The following SEMA3E variants were observed in gnomAD, a reference collection of about 807,000 sequenced individuals.
SEMA3E encodes the protein semaphorin-3E.
A neutral mutation model predicts 93.6 loss-of-function variants in SEMA3E; 49 were observed. The observed-to-expected ratio is 0.52, with a 90% confidence interval of 0.42 to 0.66. The LOEUF is 0.66. SEMA3E is among the 30% of genes least tolerant of loss of function. The pLI, the probability that SEMA3E is intolerant of heterozygous loss-of-function variation, is 0.00. For missense variants in SEMA3E, 906 were observed against 964.8 expected, an observed-to-expected ratio of 0.94 and a Z score of 0.81; for synonymous variants, 363 against 330.7, an observed-to-expected ratio of 1.10 and a Z score of -1.06.
chr7:83,576,833 G>A (rs984217698), intron 1 of SEMA3E, among the ~76,000 whole-genome samples: 3 of 151,964 alleles, frequency 2.0e-5, no homozygotes, highest in South Asian at 2.1e-4. Context: ...CGCCATGTTG[G>A]GCAGGCTGGT....
At chr7:83,429,851 T>A (rs1788847301) in intron 4 of SEMA3E, among the ~76,000 whole-genome samples, 1 of 152,186 alleles carries the variant, frequency 6.6e-6, no homozygotes, top group Non-Finnish European at 1.5e-5. Flanking sequence ...CAACATTAAC[T>A]CCTACTTATC....
intron 1 of SEMA3E, among the ~76,000 whole-genome samples, chr7:83,634,803 T>C (rs965711171): frequency 3.3e-5 from 5 of 152,050 alleles, no homozygotes. Context: ...TAGTCCTATC[T>C]TCTCCATCTA....
intron 5 of SEMA3E, among the ~76,000 whole-genome samples, chr7:83,414,741 C>G (rs1264471647): frequency 1.3e-5 from 2 of 151,994 alleles, no homozygotes; most frequent in African/African-American, 4.8e-5. Flanking sequence ...CAAAGTTAAT[C>G]CTTTCAAAGC....
chr7:83,637,023 AGT>A (rs201112364), intron 1 of SEMA3E, among the ~76,000 whole-genome samples: 16 of 148,914 alleles, frequency 1.1e-4, no homozygotes, highest in East Asian at 2.0e-4. Flanking sequence ...TATGTGTGAG[AGT>A]GTGTGTGTGT....
intron 2 of SEMA3E, among the ~76,000 whole-genome samples, chr7:83,479,074 T>C (rs1203689734): frequency 6.6e-6 from 1 of 152,198 alleles, no homozygotes; most frequent in Non-Finnish European, 1.5e-5. Flanking sequence ...GTCAGTATTC[T>C]TCACGAACTA....
chr7:83,614,775 T>C (rs996255199), intron 1 of SEMA3E, among the ~76,000 whole-genome samples: 2 of 152,126 alleles, frequency 1.3e-5, no homozygotes, highest in Non-Finnish European at 2.9e-5. Flanking sequence ...GCTCACAGTT[T>C]CTGTGCACAA....
intron 1 of SEMA3E, among the ~76,000 whole-genome samples, chr7:83,637,978 A>G (rs1793914221): frequency 6.6e-5 from 10 of 152,154 alleles, no homozygotes; most frequent in Admixed American, 6.6e-4. Flanking sequence ...TTTACCTATT[A>G]TTAATGTGAT....
chr7:83,378,054 AG>A (rs1011072534), intron 16 of SEMA3E, among the ~76,000 whole-genome samples: 6 of 152,016 alleles, frequency 3.9e-5, no homozygotes, highest in African/African-American at 1.4e-4. Context: ...TAATTTTAAC[AG>A]TTTTGTCCTC....
At chr7:83,619,975 C>G (rs1468976476) in intron 1 of SEMA3E, among the ~76,000 whole-genome samples, 1 of 151,274 alleles carries the variant, frequency 6.6e-6, no homozygotes, top group African/African-American at 2.4e-5. Context: ...TTATTAAAAC[C>G]TCTAAAAATA....
At chr7:83,575,873 C>T (rs934294919) in intron 1 of SEMA3E, among the ~76,000 whole-genome samples, 3 of 148,752 alleles carry the variant, frequency 2.0e-5, no homozygotes, top group Admixed American at 6.8e-5. Flanking sequence ...TTGCATCAAA[C>T]CTATAAGCAA....
chr7:83,581,989 A>G (rs1227878779), intron 1 of SEMA3E, among the ~76,000 whole-genome samples: 1 of 151,968 alleles, frequency 6.6e-6, no homozygotes, highest in Non-Finnish European at 1.5e-5. Context: ...AAGAAATAGA[A>G]TTACACTTCT....
rs368390572 is a variant in SEMA3E at position 83,459,115 on chromosome 7, A to G, written c.456+7367T>C. Among the ~76,000 whole-genome samples the G allele has an allele frequency of 3.1e-4, 47 of 151,926 alleles. 1 individual carries two copies. The highest frequency in any genetic ancestry group is 1.1e-3 in the African/African-American group (45 of 41,508). On this transcript the variant is annotated intron_variant, in intron 4 of 16. Transcript: ENST00000643230. The stretch of plus-strand genomic sequence containing the variant: ...AGAATCTCAGTATCCTAAGAAATAC[A>G]GATACTGATCCCTCCCACTCCTGCA...
intron 4 of SEMA3E, among the ~76,000 whole-genome samples, chr7:83,458,854 G>C (rs1231156641): frequency 2.1e-5 from 3 of 145,776 alleles, no homozygotes; most frequent in Middle Eastern, 3.6e-3. Flanking sequence ...TTTCTTTTTT[G>C]TTATATATAT....
intron 1 of SEMA3E, among the ~76,000 whole-genome samples, chr7:83,510,104 T>C (rs949554178): frequency 2.0e-5 from 3 of 152,208 alleles, no homozygotes; most frequent in African/African-American, 7.2e-5. Flanking sequence ...CCTCACATTC[T>C]TGAGTATTAT....
intron 1 of SEMA3E, among the ~76,000 whole-genome samples, chr7:83,553,122 C>T (rs531090687): frequency 2.0e-3 from 303 of 152,266 alleles, no homozygotes; most frequent in African/African-American, 5.9e-3. Flanking sequence ...ACAGTCCTAC[C>T]GATAGGTGAT....
At chr7:83,631,886 T>C (rs1241305639) in intron 1 of SEMA3E, among the ~76,000 whole-genome samples, 1 of 152,220 alleles carries the variant, frequency 6.6e-6, no homozygotes, top group Non-Finnish European at 1.5e-5. Flanking sequence ...CCGGGCACAG[T>C]GGCTTATGCC....
intron 4 of SEMA3E, among the ~76,000 whole-genome samples, chr7:83,455,199 A>G (rs1789455875): frequency 6.6e-6 from 1 of 152,230 alleles, no homozygotes; most frequent in South Asian, 2.1e-4. Context: ...CTAAATAAAT[A>G]TAGACTGAGA....
intron 1 of SEMA3E, among the ~76,000 whole-genome samples, chr7:83,545,454 T>G (rs1293385739): frequency 1.3e-5 from 2 of 151,436 alleles, no homozygotes; most frequent in African/African-American, 4.9e-5. Flanking sequence ...CTTGAAAGCT[T>G]TTCAAGGCTT....
At chr7:83,580,720 G>T (rs1792502551) in intron 1 of SEMA3E, among the ~76,000 whole-genome samples, 1 of 151,794 alleles carries the variant, frequency 6.6e-6, no homozygotes. Context: ...TAGTACTTAT[G>T]CCATTGAACC....
Sources: allele counts gnomAD v4.1 joint callset (sites outside exome capture counted in the v4.1 genomes callset), GRCh38; gene constraint gnomAD v4.1.1; transcripts MANE v1.5; gene names NCBI Gene and HGNC (gene_info 2026-07-23, HGNC 2026-07-21).